Variants in ERICH2 observed in about 807,000 individuals in gnomAD.
ERICH2 encodes glutamate rich 2.
A neutral mutation model predicts 17.4 loss-of-function variants in ERICH2; 17 were observed. The ratio of observed to expected loss-of-function variants is 0.98; its 90% CI spans 0.67 to 1.47. The LOEUF (loss-of-function observed/expected upper bound fraction) is 1.47. Among genes scored for constraint, ERICH2 ranks in the 40% most tolerant of loss-of-function variants. The pLI is 0.00. For missense variants in ERICH2, 186 were observed against 183.2 expected (o/e 1.01, Z -0.09); for synonymous variants, 51 against 61.1 (o/e 0.83, Z 0.77).
intron 2 of ERICH2, among the ~76,000 whole-genome samples, chr2:170,786,963 G>T (rs6759584): frequency 1.3e-5 from 2 of 151,962 alleles, no homozygotes; most frequent in Admixed American, 6.6e-5. Context: ...GTTAATTCTA[G>T]GTCAGTTTCT....
intron 3 of ERICH2, among the ~76,000 whole-genome samples, chr2:170,796,082 C>T (rs1164126161): frequency 6.6e-6 from 1 of 152,148 alleles, no homozygotes; most frequent in African/African-American, 2.4e-5. Context: ...TCTAAAGAAG[C>T]AAGCTGGAGA....
chr2:170,784,614 CTT>C lies in ERICH2; in HGVS notation c.29-29_29-28del, dbSNP rs774753259. Reference sequence around the variant, plus strand: ...ATTTAATTTGCGAACTTTTCGATCTCTTTTGATTAAATTAGGTATATTCTCTT... The same window carrying C: ...ATTTAATTTGCGAACTTTTCGATCTCTTGATTAAATTAGGTATATTCTCTT... On this transcript the variant is annotated intron_variant, in intron 1 of 4. Coordinates refer to ENST00000409885, the Ensembl canonical transcript of ERICH2. 8.3e-5 allele frequency: 114 copies of C among 1,365,580 alleles called. No individual in the cohort carries two copies. The Middle Eastern group carries it at 1.1e-3, about 14-fold the overall frequency. The allele number at this position is 1,365,580 out of a possible 1,614,324, so 84.6% of individuals were successfully genotyped here.
chr2:170,784,187 A>G (rs1701093146), intron 1 of ERICH2, among the ~76,000 whole-genome samples: 1 of 152,196 alleles, frequency 6.6e-6, no homozygotes, highest in Admixed American at 6.5e-5. Context: ...CACAAGTTCA[A>G]TTTCAAACTG....
chr2:170,798,072 C>G (rs202091611), exon 4 of ERICH2: 256 of 1,549,202 alleles, frequency 1.7e-4, no homozygotes, highest in Non-Finnish European at 9.4e-5. Flanking sequence ...ATCCTGAGGC[C>G]AAGGAGTTTT....
chr2:170,796,905 C>T (rs1226378506), intron 3 of ERICH2, among the ~76,000 whole-genome samples: 1 of 152,018 alleles, frequency 6.6e-6, no homozygotes, highest in African/African-American at 2.4e-5. Flanking sequence ...ATCTGTGGAG[C>T]GAGATCTAAA....
chr2:170,783,700 T>C, upstream of ERICH2: 1 of 1,272,022 alleles, frequency 7.9e-7, no homozygotes, highest in Non-Finnish European at 1.1e-6. Context: ...TGCTAACTGT[T>C]TGTGAAGTAA....
the ERICH2 span, among the ~76,000 whole-genome samples, chr2:170,773,883 G>A: frequency 6.6e-6 from 1 of 152,034 alleles, no homozygotes. Flanking sequence ...ACACCACCAT[G>A]CCTGGCTAAT....
At chr2:170,775,203 G>GA in the ERICH2 span, among the ~76,000 whole-genome samples, 1 of 151,788 alleles carries the variant, frequency 6.6e-6, no homozygotes, top group African/African-American at 2.4e-5. Context: ...CAGGCAGGAG[G>GA]ATCGCTTAAG....
chr2:170,798,278 T>C (rs1484217192), intron 4 of ERICH2, among the ~76,000 whole-genome samples, 166 bp downstream of exon 9: 1 of 152,138 alleles, frequency 6.6e-6, no homozygotes, highest in East Asian at 1.9e-4. Flanking sequence ...CTGTGGATGG[T>C]CACAATGACC....
At chr2:170,798,468 C>T (rs1428934015) in intron 4 of ERICH2, among the ~76,000 whole-genome samples, 2 of 152,140 alleles carry the variant, frequency 1.3e-5, no homozygotes, top group African/African-American at 2.4e-5. Flanking sequence ...GACAATTTTA[C>T]TATTGTCAAT....
intron 2 of ERICH2, among the ~76,000 whole-genome samples, chr2:170,788,374 T>A (rs1701204338): frequency 6.6e-6 from 1 of 152,228 alleles, no homozygotes; most frequent in South Asian, 2.1e-4. Flanking sequence ...ATGTAAAAAT[T>A]CAGATAATAT....
intron 3 of ERICH2, among the ~76,000 whole-genome samples, chr2:170,793,539 A>C (rs1342162173): frequency 6.6e-6 from 1 of 152,240 alleles, no homozygotes; most frequent in Non-Finnish European, 1.5e-5. Context: ...ATCTGGAGGC[A>C]GAGTGTGCCA....
the ERICH2 span, among the ~76,000 whole-genome samples, chr2:170,773,157 T>C: frequency 6.6e-6 from 1 of 152,220 alleles, no homozygotes; most frequent in South Asian, 2.1e-4. Flanking sequence ...AATTTGTTAA[T>C]CCTGTAAAGG....
At chr2:170,776,668 G>A in the ERICH2 span, among the ~76,000 whole-genome samples, 1 of 152,080 alleles carries the variant, frequency 6.6e-6, no homozygotes, top group African/African-American at 2.4e-5. Flanking sequence ...TTGAGCCACC[G>A]CGCCCGGCCT....
intron 2 of ERICH2, among the ~76,000 whole-genome samples, chr2:170,792,264 A>G (rs1404252009): frequency 1.3e-5 from 2 of 152,212 alleles, no homozygotes; most frequent in Non-Finnish European, 2.9e-5. Flanking sequence ...ATATACATGA[A>G]GATGTTAAAA....
intron 2 of ERICH2, among the ~76,000 whole-genome samples, chr2:170,791,009 T>C (rs1701276397): frequency 6.6e-6 from 1 of 151,958 alleles, no homozygotes; most frequent in Non-Finnish European, 1.5e-5. Flanking sequence ...TAATTAAACT[T>C]TAATTCAAAC....
At chr2:170,797,896 A>G in intron 3 of ERICH2, 145 bp from the exon 9 acceptor site, 1 of 595,130 alleles carries the variant, frequency 1.7e-6, no homozygotes. Context: ...TTGTACTCAG[A>G]TATACCTGTG....
the ERICH2 span, chr2:170,777,342 A>G: frequency 1.1e-6 from 1 of 884,448 alleles, no homozygotes; most frequent in Non-Finnish European, 1.4e-6. Context: ...AAACTAAAAT[A>G]ATAATGCTAG....
intron 1 of ERICH2, 120 bp from the exon 7 acceptor site, chr2:170,784,526 T>C: frequency 1.9e-6 from 1 of 520,778 alleles, no homozygotes; most frequent in Non-Finnish European, 3.3e-6. Flanking sequence ...ATAAGTTTGT[T>C]ATGATAATTA....
Sources: allele counts gnomAD v4.1 joint callset (sites outside exome capture counted in the v4.1 genomes callset), GRCh38; gene constraint gnomAD v4.1.1; transcripts MANE v1.5; gene names NCBI Gene and HGNC (gene_info 2026-07-23, HGNC 2026-07-21).